POU6F2: variants seen among roughly 807,000 people sequenced by gnomAD.
POU6F2 encodes POU domain, class 6, transcription factor 2.
In POU6F2, 31 loss-of-function variants were observed where a neutral mutation model predicts 71.3. The observed-to-expected ratio is 0.43, with a 90% CI of 0.33 to 0.59. The LOEUF (loss-of-function observed/expected upper bound fraction) is 0.59, where lower values mean the gene tolerates loss of function less well. Among genes scored for constraint, POU6F2 ranks in the 20% least tolerant of loss-of-function variants. The pLI is 0.04. For synonymous variants in POU6F2, 347 were observed against 355.7 expected, an observed-to-expected ratio of 0.98 and a Z score of 0.27; for missense variants, 783 against 856.8, an observed-to-expected ratio of 0.91 and a Z score of 1.07.
intron 6 of POU6F2, among the ~76,000 whole-genome samples, chr7:39,422,805 G>A (rs867767401): frequency 3.9e-5 from 6 of 152,192 alleles, no homozygotes; most frequent in East Asian, 3.9e-4. Context: ...AACTCAGTCC[G>A]GATTGTTACC....
chr7:39,154,766 A>G (rs1170454017), intron 2 of POU6F2, among the ~76,000 whole-genome samples: 1 of 152,018 alleles, frequency 6.6e-6, no homozygotes, highest in Non-Finnish European at 1.5e-5. Context: ...CACTACTGCA[A>G]TGAATGTACC....
chr7:39,390,421 T>C (rs1787043991), intron 5 of POU6F2, among the ~76,000 whole-genome samples: 1 of 152,144 alleles, frequency 6.6e-6, no homozygotes, highest in Non-Finnish European at 1.5e-5. Context: ...AATATCACTG[T>C]GATGGTCGCT....
At chr7:39,038,913 A>G (rs1480469859) in intron 1 of POU6F2, among the ~76,000 whole-genome samples, 1 of 151,946 alleles carries the variant, frequency 6.6e-6, no homozygotes, top group African/African-American at 2.4e-5. Flanking sequence ...TTAGGTCACC[A>G]CAGAGACAAA....
chr7:39,211,514 G>T (rs1435094404), intron 4 of POU6F2, among the ~76,000 whole-genome samples: 1 of 152,302 alleles, frequency 6.6e-6, no homozygotes, highest in East Asian at 1.9e-4. Context: ...CTGATAAAAA[G>T]ACCTTATAAC....
intron 4 of POU6F2, among the ~76,000 whole-genome samples, chr7:39,330,549 ATT>A (rs1785621737): frequency 6.6e-6 from 1 of 152,172 alleles, no homozygotes; most frequent in East Asian, 1.9e-4. Flanking sequence ...CTACCTTATT[ATT>A]TCCTGCAGAG....
intron 5 of POU6F2, among the ~76,000 whole-genome samples, chr7:39,341,269 A>G (rs1473014290): frequency 6.6e-6 from 1 of 152,168 alleles, no homozygotes; most frequent in East Asian, 1.9e-4. Context: ...AGAAATGAAC[A>G]CATTTGGGAG....
rs1787245827 is a variant in POU6F2 at position 39,399,314 on chromosome 7, CA to C, written c.973-7282del. Reference sequence around the variant, plus strand: ...GCACTGTATCCCCTCACACAATGCCCAAAACATAGTGGGTACTGAATAAATG... The same window carrying C: ...GCACTGTATCCCCTCACACAATGCCCAAACATAGTGGGTACTGAATAAATG... On this transcript the variant is annotated intron_variant, in intron 5 of 9. Transcript: ENST00000518318. 3.9e-5 allele frequency among the ~76,000 whole-genome samples: 6 copies of C among 152,126 alleles called. 1 individual carries two copies. The South Asian group carries it at 1.2e-3, about 32-fold the overall frequency.
At chr7:39,417,168 T>C (rs781397208) in intron 6 of POU6F2, among the ~76,000 whole-genome samples, 5 of 152,206 alleles carry the variant, frequency 3.3e-5, no homozygotes, top group Non-Finnish European at 5.9e-5. Flanking sequence ...GAGAAAACAT[T>C]AAATTCACAT....
Position 39,280,358 on chromosome 7 carries a change from C to T in POU6F2, c.599-59284C>T, listed in dbSNP as rs1248861543. The stretch of plus-strand genomic sequence containing the variant: ...CAAAGTGTGTGTTCAACCAAGGAAA[C>T]ACAGTCCATGCTGCTTCCTTTCCCT... On this transcript the variant is annotated intron_variant, in intron 4 of 9. Transcript: ENST00000518318. Among the ~76,000 whole-genome samples, 4 of 152,186 alleles carry T rather than the reference C, an allele frequency of 2.6e-5. No homozygotes were observed. The East Asian group carries it at 7.7e-4, about 29-fold the overall frequency.
At chr7:39,086,212 A>T (rs1266065358) in intron 2 of POU6F2, among the ~76,000 whole-genome samples, 181 bp downstream of exon 2, 1 of 151,510 alleles carries the variant, frequency 6.6e-6, no homozygotes, top group Non-Finnish European at 1.5e-5. Context: ...GATGTCCTCC[A>T]AACTTTTACC....
intron 2 of POU6F2, among the ~76,000 whole-genome samples, chr7:39,101,688 T>C (rs1791576943): frequency 6.6e-6 from 1 of 152,136 alleles, no homozygotes; most frequent in African/African-American, 2.4e-5. Context: ...AATCATGTGT[T>C]GTATATTTCA....
intron 1 of POU6F2, among the ~76,000 whole-genome samples, chr7:39,042,998 C>G (rs1424542837): frequency 6.6e-6 from 1 of 151,994 alleles, no homozygotes; most frequent in Non-Finnish European, 1.5e-5. Flanking sequence ...TTGATCCTCA[C>G]TGGGCAAGTG....
chr7:39,012,191 A>T (rs897024199), intron 1 of POU6F2, among the ~76,000 whole-genome samples: 24 of 152,014 alleles, frequency 1.6e-4, no homozygotes, highest in Non-Finnish European at 2.4e-4. Flanking sequence ...CTTTTCACAT[A>T]GTCCCATATT....
At chr7:39,418,458 G>A (rs560487348) in intron 6 of POU6F2, among the ~76,000 whole-genome samples, 1 of 152,284 alleles carries the variant, frequency 6.6e-6, no homozygotes, top group South Asian at 2.1e-4. Flanking sequence ...GGGAGGCTGA[G>A]GCAGGCAGAT....
At chr7:39,204,379 A>G (rs35489214) in intron 3 of POU6F2, 53 bp downstream of exon 3, 526,538 of 1,413,558 alleles carry the variant, frequency 0.37, 100,328 homozygotes, top group South Asian at 0.51. Context: ...TGGTTTAACC[A>G]TATAAATCAC....
chr7:39,048,098 GA>G (rs2128713377), intron 1 of POU6F2, among the ~76,000 whole-genome samples: 1 of 152,036 alleles, frequency 6.6e-6, no homozygotes, highest in South Asian at 2.1e-4. Context: ...ATAGTTGATA[GA>G]ATTCATCAGT....
At chr7:39,137,621 T>C (rs1341926531) in intron 2 of POU6F2, among the ~76,000 whole-genome samples, 1 of 152,178 alleles carries the variant, frequency 6.6e-6, no homozygotes, top group Non-Finnish European at 1.5e-5. Context: ...TTTTAATTGG[T>C]TGTCACAAAA....
At chr7:39,292,101 C>T (rs964574191) in intron 4 of POU6F2, among the ~76,000 whole-genome samples, 1 of 152,162 alleles carries the variant, frequency 6.6e-6, no homozygotes, top group East Asian at 1.9e-4. Flanking sequence ...TTTATACATG[C>T]AATTCAGAAT....
chr7:39,441,228 CTT>C (rs112828864), intron 7 of POU6F2, among the ~76,000 whole-genome samples: 1 of 140,040 alleles, frequency 7.1e-6, no homozygotes, highest in African/African-American at 2.6e-5. Flanking sequence ...TAAAGCTTAG[CTT>C]TTTTTTTTTT....
Sources: gnomAD v4.1 joint callset for allele counts (sites outside exome capture counted in the v4.1 genomes callset) on GRCh38, gnomAD v4.1.1 for gene constraint, MANE v1.5 for transcripts, NCBI Gene and HGNC (gene_info 2026-07-23, HGNC 2026-07-21) for gene names.